The following ZCCHC7 variants were observed in gnomAD, a reference collection of about 807,000 sequenced individuals.
ZCCHC7 encodes the protein zinc finger CCHC-type containing 7, also known as zinc finger CCHC domain-containing protein 7.
A neutral mutation model predicts 52.0 loss-of-function variants in ZCCHC7; 35 were observed. The observed-to-expected ratio is 0.67, with a 90% CI of 0.51 to 0.89. ZCCHC7 has a LOEUF of 0.89. Among genes scored for constraint, ZCCHC7 ranks in the 40% least tolerant of loss-of-function variants. The probability of loss-of-function intolerance (pLI) is 0.00; values close to 1 mark genes in which losing one functional copy is unlikely to be tolerated. For synonymous variants in ZCCHC7, 217 were observed against 221.5 expected (o/e 0.98, Z 0.18); for missense variants, 574 against 649.1 (o/e 0.88, Z 1.26).
chr9:37,320,856 T>C (rs1830018989), intron 5 of ZCCHC7, among the ~76,000 whole-genome samples: 1 of 152,200 alleles, frequency 6.6e-6, no homozygotes, highest in East Asian at 1.9e-4. Flanking sequence ...CAGGGCATGA[T>C]TGTACATAGA....
chr9:37,172,313 T>C (rs949499306), intron 2 of ZCCHC7, among the ~76,000 whole-genome samples: 2 of 152,250 alleles, frequency 1.3e-5, no homozygotes, highest in Admixed American at 6.5e-5. Context: ...TTTCTTAAAA[T>C]GGTCTTTAGC....
At chr9:37,168,941 TAA>T (rs1821578855) in intron 2 of ZCCHC7, among the ~76,000 whole-genome samples, 2 of 152,180 alleles carry the variant, frequency 1.3e-5, no homozygotes, top group Non-Finnish European at 2.9e-5. Context: ...TACTTTATCT[TAA>T]GTCTAATTAA....
At chr9:37,207,332 G>A (rs1234984374) in intron 2 of ZCCHC7, among the ~76,000 whole-genome samples, 1 of 152,002 alleles carries the variant, frequency 6.6e-6, no homozygotes, top group African/African-American at 2.4e-5. Flanking sequence ...TTTTTATGAT[G>A]TCAGTAGTCA....
At chr9:37,309,904 A>G (rs889895161) in intron 5 of ZCCHC7, among the ~76,000 whole-genome samples, 4 of 151,374 alleles carry the variant, frequency 2.6e-5, no homozygotes, top group African/African-American at 9.7e-5. Flanking sequence ...CCTGGGCAAC[A>G]GAGTGAGACT....
rs34669154 is a variant in ZCCHC7 at position 37,280,609 on chromosome 9, C to CA, written c.611-21566dup. Among the ~76,000 whole-genome samples, 271 of 146,374 alleles carry CA rather than the reference C, an allele frequency of 1.9e-3. 1 individual carries two copies. The highest frequency in any genetic ancestry group is 0.011 in the South Asian group (49 of 4,640). ...TCACAATAGAATTAGAAATCTATAGCAAAAAAAAAAAAATCTGGAAAGTCC... is the reference window on the plus strand; with the variant it reads ...TCACAATAGAATTAGAAATCTATAGCAAAAAAAAAAAAAATCTGGAAAGTCC... On this transcript the variant is annotated intron_variant, in intron 2 of 8. Transcript: ENST00000336755.
chr9:37,293,790 G>A (rs1009528716), intron 2 of ZCCHC7, among the ~76,000 whole-genome samples: 2 of 152,050 alleles, frequency 1.3e-5, no homozygotes, highest in Non-Finnish European at 2.9e-5. Flanking sequence ...TGGGAGATGA[G>A]GCCTTCTCTC....
intron 2 of ZCCHC7, among the ~76,000 whole-genome samples, chr9:37,157,382 T>G (rs2132874842): frequency 6.6e-6 from 1 of 152,070 alleles, no homozygotes; most frequent in Admixed American, 6.5e-5. Flanking sequence ...CCCAGCTACT[T>G]GGGGAAACTG....
At chr9:37,271,394 TAC>T (rs1197041730) in intron 2 of ZCCHC7, among the ~76,000 whole-genome samples, 1 of 152,180 alleles carries the variant, frequency 6.6e-6, no homozygotes, top group Non-Finnish European at 1.5e-5. Context: ...AGGGGGAAAC[TAC>T]AGATTCAGGG....
chr9:37,143,297 A>AT (rs898407858), intron 2 of ZCCHC7, among the ~76,000 whole-genome samples: 14 of 151,538 alleles, frequency 9.2e-5, no homozygotes, highest in Non-Finnish European at 2.1e-4. Flanking sequence ...TTTATTCATG[A>AT]TTTTTTTAGG....
chr9:37,183,573 A>G (rs1822484352), intron 2 of ZCCHC7, among the ~76,000 whole-genome samples: 1 of 152,236 alleles, frequency 6.6e-6, no homozygotes, highest in Non-Finnish European at 1.5e-5. Context: ...GTTGATATTC[A>G]GAGTATTTTG....
rs1374348019 is a variant in ZCCHC7 at position 37,238,702 on chromosome 9, A to T, written c.611-63486A>T. On this transcript the variant is annotated intron_variant, in intron 2 of 8. Coordinates refer to ENST00000336755, the MANE Select transcript of ZCCHC7 (RefSeq NM_032226.3). ...GAGACTGTTTCTCACCTGGTTGATCATTTCAACTGTTTCTTTCTGTGCTTC... is the reference window on the plus strand; with the variant it reads ...GAGACTGTTTCTCACCTGGTTGATCTTTTCAACTGTTTCTTTCTGTGCTTC... Among the ~76,000 whole-genome samples the T allele has an allele frequency of 2.0e-5, 3 of 152,122 alleles. No homozygotes were observed. In the East Asian group the frequency reaches 5.8e-4, roughly 29 times the overall value.
At chr9:37,192,377 T>C (rs757733911) in intron 2 of ZCCHC7, among the ~76,000 whole-genome samples, 59 of 152,254 alleles carry the variant, frequency 3.9e-4, no homozygotes, top group Non-Finnish European at 7.3e-4. Flanking sequence ...ATTATTTCAG[T>C]ATAGCTCATT....
intron 2 of ZCCHC7, among the ~76,000 whole-genome samples, chr9:37,265,417 G>A (rs1467108593): frequency 4.6e-5 from 7 of 152,130 alleles, no homozygotes; most frequent in Non-Finnish European, 8.8e-5. Context: ...AAGAAAGTTC[G>A]TCATTCCTCC....
At chr9:37,152,260 G>T (rs1262851875) in intron 2 of ZCCHC7, among the ~76,000 whole-genome samples, 1 of 150,686 alleles carries the variant, frequency 6.6e-6, no homozygotes, top group African/African-American at 2.4e-5. Context: ...TTTAATTTTA[G>T]AAAAATTGGT....
At chr9:37,308,841 C>T (rs1368164504) in intron 5 of ZCCHC7, among the ~76,000 whole-genome samples, 2 of 151,834 alleles carry the variant, frequency 1.3e-5, no homozygotes, top group Non-Finnish European at 2.9e-5. Flanking sequence ...ATTAGCTGGG[C>T]GTGGTGGTAC....
At chr9:37,268,837 A>G (rs767755787) in intron 2 of ZCCHC7, among the ~76,000 whole-genome samples, 4 of 152,186 alleles carry the variant, frequency 2.6e-5, no homozygotes, top group Non-Finnish European at 5.9e-5. Context: ...TCACTACTCT[A>G]TTCATGTGGT....
chr9:37,239,742 G>A (rs149901540), intron 2 of ZCCHC7, among the ~76,000 whole-genome samples: 35 of 152,156 alleles, frequency 2.3e-4, no homozygotes, highest in Middle Eastern at 3.4e-3. Flanking sequence ...GGGGAAGTTG[G>A]TTTTCTACAT....
At chr9:37,222,578 A>G (rs912581090) in intron 2 of ZCCHC7, among the ~76,000 whole-genome samples, 2 of 152,126 alleles carry the variant, frequency 1.3e-5, no homozygotes, top group African/African-American at 4.8e-5. Flanking sequence ...ATGTGAGTGA[A>G]TTATTTTATA....
At chr9:37,276,018 T>C (rs1487633568) in intron 2 of ZCCHC7, among the ~76,000 whole-genome samples, 1 of 152,216 alleles carries the variant, frequency 6.6e-6, no homozygotes, top group African/African-American at 2.4e-5. Flanking sequence ...AGAGTTCCCA[T>C]TGTCTGCATC....
Sources: gnomAD v4.1 joint callset for allele counts (sites outside exome capture counted in the v4.1 genomes callset) on GRCh38, gnomAD v4.1.1 for gene constraint, MANE v1.5 for transcripts, NCBI Gene and HGNC (gene_info 2026-07-23, HGNC 2026-07-21) for gene names.